The following RBFOX1 variants were observed in gnomAD, a reference collection of about 807,000 sequenced individuals.
RBFOX1 encodes the protein RNA binding fox-1 homolog 1, also known as RNA binding protein fox-1 homolog 1.
A neutral mutation model predicts 57.7 loss-of-function variants in RBFOX1; 8 were observed. The ratio of observed to expected loss-of-function variants is 0.14; its 90% CI spans 0.08 to 0.25. The LOEUF is 0.25. Ranked by LOEUF, RBFOX1 falls within the 10% of genes least tolerant of loss-of-function variation. The probability of loss-of-function intolerance (pLI) is 1.00; values close to 1 mark genes in which losing one functional copy is unlikely to be tolerated. For missense variants in RBFOX1, 611 were observed against 548.5 expected (o/e 1.11, Z -1.14); for synonymous variants, 326 against 222.4 (o/e 1.47, Z -4.15).
intron 3 of RBFOX1, among the ~76,000 whole-genome samples, chr16:7,026,370 A>G (rs958730198): frequency 6.6e-6 from 1 of 152,186 alleles, no homozygotes; most frequent in Non-Finnish European, 1.5e-5. Flanking sequence ...AAGGAATTCA[A>G]TCTAGTTTTC....
At chr16:7,178,818 GTTA>G (rs2082149585) in intron 4 of RBFOX1, among the ~76,000 whole-genome samples, 1 of 152,172 alleles carries the variant, frequency 6.6e-6, no homozygotes, top group Non-Finnish European at 1.5e-5. Context: ...TTTCACACCT[GTTA>G]TTCTGCAAGT....
intron 1 of RBFOX1, among the ~76,000 whole-genome samples, chr16:6,209,026 A>T (rs1042340345): frequency 2.6e-5 from 4 of 152,134 alleles, no homozygotes; most frequent in African/African-American, 9.7e-5. Flanking sequence ...ACAACCTTGA[A>T]GGATAATTTT....
intron 15 of RBFOX1, 53 bp from the exon 16 acceptor site, chr16:7,710,570 A>G (rs1489877005): frequency 4.4e-6 from 7 of 1,607,554 alleles, no homozygotes; most frequent in East Asian, 2.2e-5. Context: ...GATGATCCAC[A>G]TGTTGCAAAA....
chr16:7,414,372 G>T (rs2098459177), intron 4 of RBFOX1, among the ~76,000 whole-genome samples: 1 of 152,188 alleles, frequency 6.6e-6, no homozygotes, highest in Non-Finnish European at 1.5e-5. Context: ...GTGGTCAAAA[G>T]TCTTTCTGAG....
chr16:6,717,183 C>T (rs182323354), intron 3 of RBFOX1, among the ~76,000 whole-genome samples: 20 of 152,134 alleles, frequency 1.3e-4, no homozygotes, highest in Admixed American at 1.1e-3. Context: ...TATTGTGTTA[C>T]AGCAACTCGA....
At chr16:7,691,333 T>A (rs1598207852) in intron 14 of RBFOX1, among the ~76,000 whole-genome samples, 1 of 141,122 alleles carries the variant, frequency 7.1e-6, no homozygotes, top group African/African-American at 2.6e-5. Context: ...AGACCAGGGG[T>A]AAAAAATAAA....
At chr16:5,783,339 A>G (rs1030930298) in intron 3 of RBFOX1, among the ~76,000 whole-genome samples, 2 of 152,196 alleles carry the variant, frequency 1.3e-5, no homozygotes, top group African/African-American at 2.4e-5. Context: ...AGTTTGTACC[A>G]ATCTGTGGTA....
intron 2 of RBFOX1, among the ~76,000 whole-genome samples, chr16:6,554,541 T>C (rs575874504): frequency 6.6e-6 from 1 of 152,326 alleles, no homozygotes; most frequent in Admixed American, 6.5e-5. Flanking sequence ...GTTTATGAAC[T>C]CTATCTCAAT....
intron 2 of RBFOX1, among the ~76,000 whole-genome samples, chr16:6,523,322 C>G (rs1470977553): frequency 5.3e-5 from 8 of 152,036 alleles, no homozygotes; most frequent in African/African-American, 1.9e-4. Context: ...AGCTACTAGC[C>G]ATTTGGACGA....
intron 3 of RBFOX1, among the ~76,000 whole-genome samples, chr16:6,855,029 C>G (rs138825732): frequency 0.012 from 1,784 of 151,938 alleles, 20 homozygotes; most frequent in Non-Finnish European, 0.019. Context: ...CAATGTTTCA[C>G]TGTTGGGAGG....
intron 1 of RBFOX1, among the ~76,000 whole-genome samples, chr16:6,116,959 C>T (rs946916391): frequency 6.6e-6 from 1 of 152,122 alleles, no homozygotes; most frequent in Non-Finnish European, 1.5e-5. Context: ...GGGATAATCT[C>T]CGTTGGCAGA....
At chr16:6,233,559 A>G (rs1050691316) in intron 1 of RBFOX1, among the ~76,000 whole-genome samples, 1 of 152,098 alleles carries the variant, frequency 6.6e-6, no homozygotes, top group African/African-American at 2.4e-5. Flanking sequence ...CAAGATTTAA[A>G]TGTCCTCACC....
At chr16:5,458,575 C>A (rs1245050763) in intron 1 of RBFOX1, among the ~76,000 whole-genome samples, 2 of 152,222 alleles carry the variant, frequency 1.3e-5, no homozygotes, top group African/African-American at 4.8e-5. Flanking sequence ...AAAGGTTAGG[C>A]AAGGCCTCAC....
intron 1 of RBFOX1, among the ~76,000 whole-genome samples, chr16:5,428,112 GTGTGTGTGTC>G (rs1216693505): frequency 6.9e-5 from 7 of 101,868 alleles, no homozygotes; most frequent in African/African-American, 2.2e-4. Context: ...AAGGGTGTGT[GTGTGTGTGTC>G]TGTGTGTGTG....
intron 4 of RBFOX1, among the ~76,000 whole-genome samples, chr16:7,063,058 C>T (rs564244135): frequency 6.6e-6 from 1 of 151,990 alleles, no homozygotes; most frequent in East Asian, 1.9e-4. Flanking sequence ...AAAGCCAACT[C>T]TTCATCATAC....
chr16:5,267,676 A>C (rs541814179), intron 1 of RBFOX1, among the ~76,000 whole-genome samples: 2 of 152,214 alleles, frequency 1.3e-5, no homozygotes, highest in African/African-American at 2.4e-5. Flanking sequence ...GGAAATATGC[A>C]CAATTTCTGG....
At chr16:6,537,804 A>C (rs1036651400) in intron 2 of RBFOX1, among the ~76,000 whole-genome samples, 1 of 152,204 alleles carries the variant, frequency 6.6e-6, no homozygotes, top group African/African-American at 2.4e-5. Context: ...GCTGAAATTC[A>C]GGAAATGATT....
chr16:7,504,324 T>C (rs2072030665), intron 4 of RBFOX1, among the ~76,000 whole-genome samples: 2 of 152,074 alleles, frequency 1.3e-5, no homozygotes, highest in African/African-American at 4.8e-5. Flanking sequence ...TTATTGTTAT[T>C]ATCAAGAATG....
At chr16:5,626,677 C>G (rs1054022726) in intron 3 of RBFOX1, among the ~76,000 whole-genome samples, 3 of 152,022 alleles carry the variant, frequency 2.0e-5, no homozygotes, top group South Asian at 2.1e-4. Context: ...TTCATCAGTT[C>G]TAGACAACTG....
Sources: allele counts gnomAD v4.1 joint callset (sites outside exome capture counted in the v4.1 genomes callset), GRCh38; gene constraint gnomAD v4.1.1; transcripts MANE v1.5; gene names NCBI Gene and HGNC (gene_info 2026-07-23, HGNC 2026-07-21).